Variants in SGCD observed in about 807,000 individuals in gnomAD.
SGCD encodes sarcoglycan delta, also known as delta-sarcoglycan.
Under a neutral mutation model 36.6 loss-of-function variants are expected in SGCD, and 18 were observed. That is an observed-to-expected ratio of 0.49 (90% CI 0.34 to 0.73). The LOEUF is 0.73. SGCD is among the 30% of genes least tolerant of loss of function. The probability of loss-of-function intolerance (pLI) is 0.01; values close to 1 mark genes in which losing one functional copy is unlikely to be tolerated. For missense variants in SGCD, 387 were observed against 346.7 expected (o/e 1.12, Z -0.92); for synonymous variants, 133 against 130.6 (o/e 1.02, Z -0.12).
intron 4 of SGCD, among the ~76,000 whole-genome samples, chr5:156,558,543 T>A (rs1393353958): frequency 1.3e-5 from 2 of 152,164 alleles, no homozygotes; most frequent in African/African-American, 4.8e-5. Context: ...TGTCAGACAC[T>A]GACTATACCA....
intron 3 of SGCD, among the ~76,000 whole-genome samples, chr5:156,201,153 A>G (rs1211184081): frequency 6.6e-6 from 1 of 152,174 alleles, no homozygotes; most frequent in Non-Finnish European, 1.5e-5. Flanking sequence ...AAAAAGTTCC[A>G]AAGATCTGTT....
intron 3 of SGCD, among the ~76,000 whole-genome samples, chr5:156,355,940 C>A (rs1467217764): frequency 6.6e-6 from 1 of 152,124 alleles, no homozygotes; most frequent in Non-Finnish European, 1.5e-5. Flanking sequence ...ATTCCCTGAC[C>A]CAGAATGAGA....
At chr5:155,987,875 T>C (rs1371629369) in intron 1 of SGCD, among the ~76,000 whole-genome samples, 1 of 152,190 alleles carries the variant, frequency 6.6e-6, no homozygotes, top group East Asian at 1.9e-4. Context: ...CATTTAAATA[T>C]GTATTATTCA....
At chr5:156,705,676 C>T (rs1432885009) in intron 7 of SGCD, among the ~76,000 whole-genome samples, 1 of 152,128 alleles carries the variant, frequency 6.6e-6, no homozygotes. Flanking sequence ...TTAAGAAGAA[C>T]TCAATATCTT....
chr5:156,342,377 T>G (rs1295413779), intron 2 of SGCD, among the ~76,000 whole-genome samples: 1 of 152,204 alleles, frequency 6.6e-6, no homozygotes, highest in Non-Finnish European at 1.5e-5. Flanking sequence ...CACAAATCCT[T>G]TAGCCCTGCA....
intron 3 of SGCD, among the ~76,000 whole-genome samples, chr5:156,137,258 G>A (rs76527864): frequency 0.02 from 3,078 of 152,264 alleles, 45 homozygotes; most frequent in Non-Finnish European, 0.034. Context: ...CTTGCTTATC[G>A]TTGAAGAAAG....
intron 5 of SGCD, among the ~76,000 whole-genome samples, chr5:156,592,375 A>G (rs1283528262): frequency 1.3e-5 from 2 of 152,140 alleles, no homozygotes; most frequent in African/African-American, 2.4e-5. Flanking sequence ...AGCACTGACA[A>G]TATAATATAG....
chr5:155,828,240 C>T, the SGCD span, among the ~76,000 whole-genome samples: 1 of 152,080 alleles, frequency 6.6e-6, no homozygotes, highest in Non-Finnish European at 1.5e-5. Context: ...ACATGATGGT[C>T]ACCCTCACAA....
intron 1 of SGCD, among the ~76,000 whole-genome samples, chr5:155,905,142 G>A (rs900656255): frequency 2.0e-5 from 3 of 152,132 alleles, no homozygotes; most frequent in Non-Finnish European, 4.4e-5. Flanking sequence ...CAGGCAAGAT[G>A]TCTCTCGTAG....
At chr5:156,356,776 CT>C (rs1769512869) in intron 3 of SGCD, among the ~76,000 whole-genome samples, 1 of 152,144 alleles carries the variant, frequency 6.6e-6, no homozygotes. Context: ...GAGATAATTC[CT>C]GGATTACCCA....
chr5:156,246,445 T>G (rs1010963776), intron 3 of SGCD, among the ~76,000 whole-genome samples: 2 of 152,160 alleles, frequency 1.3e-5, no homozygotes, highest in African/African-American at 2.4e-5. Context: ...GTTATAGATT[T>G]TTTTTTTATT....
intron 1 of SGCD, among the ~76,000 whole-genome samples, chr5:155,915,684 T>G (rs964224176): frequency 6.6e-6 from 1 of 152,196 alleles, no homozygotes. Context: ...AGACTCACAT[T>G]CTCAAGCAAT....
At position 156,269,486 on chromosome 5, in the gene SGCD, A is replaced by C. The variant is rs1311335052; in HGVS notation, c.-43-60048A>C. On this transcript the variant is annotated intron_variant, in intron 3 of 9. Coordinates refer to the SGCD transcript ENST00000517913. Reference sequence around the variant, plus strand: ...CTCCGTCTCAAAAAAAAAAAAAAAAAAAAAAAAAAAAAAAAAAAAAAAAAC... The same window carrying C: ...CTCCGTCTCAAAAAAAAAAAAAAAACAAAAAAAAAAAAAAAAAAAAAAAAC... Among the ~76,000 whole-genome samples, 73 of 142,122 alleles carry C rather than the reference A, an allele frequency of 5.1e-4. 1 individual carries two copies. Among genetic ancestry groups the C allele is most frequent in the African/African-American group, 1.8e-3 (64 of 36,388 alleles). 93.2% of individuals were successfully genotyped at this position (142,122 alleles called of 152,430 possible). A position where few individuals can be genotyped will look rare whatever the true frequency, so the allele number is the denominator to read the frequency against.
intron 4 of SGCD, among the ~76,000 whole-genome samples, chr5:156,550,599 T>C (rs1758751804): frequency 6.6e-6 from 1 of 152,008 alleles, no homozygotes; most frequent in Non-Finnish European, 1.5e-5. Context: ...CGAAGGGAGG[T>C]TTATGACTCA....
At chr5:156,300,971 T>A (rs62380673) in intron 3 of SGCD, among the ~76,000 whole-genome samples, 9,350 of 152,046 alleles carry the variant, frequency 0.061, 335 homozygotes, top group Non-Finnish European at 0.079. Context: ...TCTTTTTCCA[T>A]CCCTCTGTTT....
chr5:156,281,152 G>A (rs1384075646), intron 3 of SGCD, among the ~76,000 whole-genome samples: 1 of 152,146 alleles, frequency 6.6e-6, no homozygotes, highest in Non-Finnish European at 1.5e-5. Flanking sequence ...ATTTTTGAAA[G>A]TGTTATGTTT....
chr5:155,744,634 A>T, the SGCD span, among the ~76,000 whole-genome samples: 1 of 152,200 alleles, frequency 6.6e-6, no homozygotes, highest in African/African-American at 2.4e-5. Context: ...CTGGTTAGGA[A>T]AAACAGCATT....
intron 3 of SGCD, among the ~76,000 whole-genome samples, chr5:156,373,562 G>C (rs988804746): frequency 1.3e-5 from 2 of 152,122 alleles, no homozygotes; most frequent in Non-Finnish European, 1.5e-5. Flanking sequence ...TTATTACCCA[G>C]AAGAAATTAG....
At chr5:156,151,376 T>C (rs1338767135) in intron 3 of SGCD, among the ~76,000 whole-genome samples, 3 of 151,668 alleles carry the variant, frequency 2.0e-5, no homozygotes, top group Non-Finnish European at 2.9e-5. Context: ...TAAAATGTAA[T>C]GGAGCCCACC....
Sources: gnomAD v4.1 joint callset for allele counts (sites outside exome capture counted in the v4.1 genomes callset) on GRCh38, gnomAD v4.1.1 for gene constraint, MANE v1.5 for transcripts, NCBI Gene and HGNC (gene_info 2026-07-23, HGNC 2026-07-21) for gene names.